The following KCNG2 variants were observed in gnomAD, a reference collection of about 807,000 sequenced individuals.
The protein encoded by KCNG2 is voltage-gated potassium channel regulatory subunit KCNG2.
Under a neutral mutation model 12.3 loss-of-function variants are expected in KCNG2, and 7 were observed. That is an observed-to-expected ratio of 0.57 (90% CI 0.32 to 1.07). The LOEUF (loss-of-function observed/expected upper bound fraction) is 1.07, where lower values mean the gene tolerates loss of function less well. KCNG2 is among the 50% of genes least tolerant of loss of function. KCNG2 has a pLI of 0.04. For synonymous variants in KCNG2, 414 were observed against 351.4 expected (o/e 1.18, Z -1.99); for missense variants, 703 against 726.0 (o/e 0.97, Z 0.36).
chr18:79,846,415 A>G (rs1978631742), intron 1 of KCNG2, among the ~76,000 whole-genome samples: 1 of 148,714 alleles, frequency 6.7e-6, no homozygotes, highest in Non-Finnish European at 1.5e-5. Flanking sequence ...TCTGTCTCAG[A>G]AAAAAAAAAG....
At chr18:79,898,467 C>T (rs934987976) in intron 3 of KCNG2, among the ~76,000 whole-genome samples, 7 of 152,182 alleles carry the variant, frequency 4.6e-5, no homozygotes, top group East Asian at 1.9e-4. Flanking sequence ...ACCCCTCCAC[C>T]GGACTCCCCA....
intron 3 of KCNG2, among the ~76,000 whole-genome samples, chr18:79,873,070 C>T (rs1373147680): frequency 1.3e-5 from 2 of 152,090 alleles, no homozygotes; most frequent in Admixed American, 1.3e-4. Context: ...GTAGCTCTGC[C>T]GGTTGGGCCT....
intron 1 of KCNG2, among the ~76,000 whole-genome samples, chr18:79,830,289 C>T (rs1294925991): frequency 6.6e-6 from 1 of 152,196 alleles, no homozygotes; most frequent in Non-Finnish European, 1.5e-5. Context: ...TTGAGAAGTG[C>T]TGGCAGGGTT....
rs772004570 is a variant in KCNG2 at position 79,899,393 on chromosome 18, G to C, written c.978G>C (p.Leu326=). ...RRCAREFGLL[L]LFLCVAMALF... is the part of the protein sequence containing the mutation. ...GCGCGCGCGAGTTCGGGCTGCTGCTGCTGTTCCTCTGCGTGGCCATGGCGC... is the reference window on the plus strand; with the variant it reads ...GCGCGCGCGAGTTCGGGCTGCTGCTCCTGTTCCTCTGCGTGGCCATGGCGC... The change falls in exon 4 of 4, where the codon CTG becomes CTC. Residue 326 remains leucine (L), a synonymous_variant. Coordinates refer to ENST00000316249, the MANE Select transcript of KCNG2 (RefSeq NM_012283.2). 1.9e-6 allele frequency: 3 copies of C among 1,576,156 alleles called. No homozygotes were observed. The highest frequency in any genetic ancestry group is 2.7e-5 in the African/African-American group (2 of 73,030).
chr18:79,898,423 C>A (rs765661896), intron 3 of KCNG2, among the ~76,000 whole-genome samples: 3 of 152,214 alleles, frequency 2.0e-5, no homozygotes, highest in Non-Finnish European at 2.9e-5. Flanking sequence ...CTCCCACCCA[C>A]GAGAGTGGGG....
chr18:79,878,225 C>T (rs1018152695), intron 3 of KCNG2, among the ~76,000 whole-genome samples: 1 of 144,950 alleles, frequency 6.9e-6, no homozygotes, highest in Admixed American at 6.8e-5. Flanking sequence ...GTAGATCCTG[C>T]CTGGTGACTG....
At chr18:79,814,631 C>T (rs2087515333) in intron 1 of KCNG2, among the ~76,000 whole-genome samples, 1 of 152,188 alleles carries the variant, frequency 6.6e-6, no homozygotes, top group Admixed American at 6.5e-5. Context: ...GGGTCAGCAT[C>T]AATCCTGGCG....
chr18:79,876,890 C>T (rs1281550049), intron 3 of KCNG2, among the ~76,000 whole-genome samples: 5 of 152,198 alleles, frequency 3.3e-5, no homozygotes, highest in East Asian at 1.9e-4. Flanking sequence ...CGGCCAGGCT[C>T]ATTTCAGCCA....
intron 3 of KCNG2, among the ~76,000 whole-genome samples, chr18:79,892,960 T>TA (rs1238642455): frequency 6.6e-6 from 1 of 151,064 alleles, no homozygotes; most frequent in Non-Finnish European, 1.5e-5. Flanking sequence ...CATCTAATGT[T>TA]ACGATTGATA....
chr18:79,894,633 G>C (rs1363915432), intron 3 of KCNG2, among the ~76,000 whole-genome samples: 1 of 151,556 alleles, frequency 6.6e-6, no homozygotes, highest in African/African-American at 2.4e-5. Flanking sequence ...AGTGGGGTCT[G>C]TGTTTGCTTT....
At chr18:79,812,681 C>CA (rs2087500564) in intron 1 of KCNG2, among the ~76,000 whole-genome samples, 2 of 151,914 alleles carry the variant, frequency 1.3e-5, no homozygotes, top group South Asian at 4.2e-4. Flanking sequence ...GCCAACATGG[C>CA]AAAACCTCAT....
intron 1 of KCNG2, among the ~76,000 whole-genome samples, chr18:79,848,617 G>T (rs951111135): frequency 6.6e-6 from 1 of 152,226 alleles, no homozygotes; most frequent in Non-Finnish European, 1.5e-5. Context: ...GCTGAGACTC[G>T]CACACACTTC....
intron 1 of KCNG2, among the ~76,000 whole-genome samples, chr18:79,805,442 C>T (rs1568240794): frequency 6.6e-6 from 1 of 152,268 alleles, no homozygotes; most frequent in Non-Finnish European, 1.5e-5. Flanking sequence ...GCCCTGCTGG[C>T]TGCACCCACA....
At chr18:79,872,284 T>TTTTTTTG (rs1568265441) in intron 3 of KCNG2, among the ~76,000 whole-genome samples, 6 of 96,832 alleles carry the variant, frequency 6.2e-5, no homozygotes, top group East Asian at 6.7e-4. Context: ...GCTTCAGTTT[T>TTTTTTTG]TTTTTTTTTT....
chr18:79,827,951 T>C (rs1330342255), intron 1 of KCNG2, among the ~76,000 whole-genome samples: 1 of 148,408 alleles, frequency 6.7e-6, no homozygotes. Flanking sequence ...TGAGATGTAG[T>C]CTCCCTCTGT....
intron 2 of KCNG2, among the ~76,000 whole-genome samples, chr18:79,860,273 A>G (rs1397533504): frequency 6.6e-6 from 1 of 152,174 alleles, no homozygotes; most frequent in East Asian, 1.9e-4. Context: ...AGAATTTTCA[A>G]CTTGTCAATA....
Position 79,899,045 on chromosome 18 carries a change from G to A in KCNG2, c.630G>A (p.Glu210=). The change falls in exon 4 of 4, where the codon GAG becomes GAA. Residue 210 remains glutamate (E), a synonymous_variant. Coordinates refer to ENST00000316249, the MANE Select transcript of KCNG2 (RefSeq NM_012283.2). ...PDIRAEEERG[E]CSPKCRSLFV... Reference sequence around the variant, plus strand: ...CGTGTCCCCTCTCCCCGCAGGGCGAGTGCTCCCCCAAGTGCCGCAGCCTGT... The same window carrying A: ...CGTGTCCCCTCTCCCCGCAGGGCGAATGCTCCCCCAAGTGCCGCAGCCTGT... The A allele has an allele frequency of 6.4e-7, 1 of 1,559,906 alleles. No homozygotes were observed. The highest frequency in any genetic ancestry group is 1.2e-5 in the South Asian group (1 of 84,980).
At chr18:79,809,833 C>T (rs2087480933) in intron 1 of KCNG2, among the ~76,000 whole-genome samples, 1 of 152,250 alleles carries the variant, frequency 6.6e-6, no homozygotes, top group Non-Finnish European at 1.5e-5. Context: ...AAGAATGTGG[C>T]CAAATGCCCG....
intron 1 of KCNG2, among the ~76,000 whole-genome samples, chr18:79,809,889 C>G (rs906417094): frequency 2.6e-5 from 4 of 152,254 alleles, no homozygotes; most frequent in African/African-American, 9.6e-5. Context: ...TTTAAAGCTT[C>G]TCCTCCCACT....
Sources: allele counts gnomAD v4.1 joint callset (sites outside exome capture counted in the v4.1 genomes callset), GRCh38; gene constraint gnomAD v4.1.1; transcripts MANE v1.5; gene names NCBI Gene and HGNC (gene_info 2026-07-23, HGNC 2026-07-21).